The following TAFA4 variants were observed in gnomAD, a reference collection of about 807,000 sequenced individuals.
TAFA4 encodes the protein chemokine-like protein TAFA-4.
In TAFA4, 20 loss-of-function variants were observed where a neutral mutation model predicts 21.1. That is an observed-to-expected ratio of 0.95 (90% CI 0.67 to 1.38). The LOEUF is 1.38. Among genes scored for constraint, TAFA4 ranks in the 40% most tolerant of loss-of-function variants. TAFA4 has a pLI of 0.00. For synonymous variants in TAFA4, 71 were observed against 67.4 expected (o/e 1.05, Z -0.26); for missense variants, 211 against 180.9 (o/e 1.17, Z -0.95).
At chr3:68,786,679 T>C (rs1703268617) in intron 3 of TAFA4, among the ~76,000 whole-genome samples, 1 of 152,208 alleles carries the variant, frequency 6.6e-6, no homozygotes, top group South Asian at 2.1e-4. Context: ...CAGAAGGTAA[T>C]TGTGAATACC....
At chr3:68,798,290 A>G (rs933934860) in intron 3 of TAFA4, among the ~76,000 whole-genome samples, 1 of 152,224 alleles carries the variant, frequency 6.6e-6, no homozygotes, top group Non-Finnish European at 1.5e-5. Context: ...CCAATTTATC[A>G]TGTTAATTGG....
At chr3:68,913,299 G>T (rs1251849479) in intron 1 of TAFA4, among the ~76,000 whole-genome samples, 2 of 151,800 alleles carry the variant, frequency 1.3e-5, no homozygotes, top group Non-Finnish European at 2.9e-5. Flanking sequence ...TTTGCCCAGG[G>T]TTGCACAGAT....
chr3:68,834,535 C>G (rs930420746), intron 3 of TAFA4, among the ~76,000 whole-genome samples: 1 of 152,086 alleles, frequency 6.6e-6, no homozygotes, highest in Non-Finnish European at 1.5e-5. Context: ...TTGATCTTTA[C>G]CATCTTATAT....
chr3:68,848,282 A>G (rs527241721), intron 3 of TAFA4, among the ~76,000 whole-genome samples: 4 of 152,308 alleles, frequency 2.6e-5, no homozygotes, highest in Non-Finnish European at 5.9e-5. Flanking sequence ...GCATTTCCTG[A>G]TGTCCTACCT....
intron 3 of TAFA4, among the ~76,000 whole-genome samples, chr3:68,871,810 T>C (rs1323525194): frequency 6.6e-6 from 1 of 152,092 alleles, no homozygotes; most frequent in African/African-American, 2.4e-5. Flanking sequence ...ATGCTCAGCA[T>C]CACTAATCAA....
intron 3 of TAFA4, among the ~76,000 whole-genome samples, chr3:68,854,577 C>A (rs1490938587): frequency 6.6e-6 from 1 of 152,008 alleles, no homozygotes. Flanking sequence ...TACAGTTCCA[C>A]AGAATAAAGA....
intron 1 of TAFA4, among the ~76,000 whole-genome samples, chr3:68,912,523 C>G (rs2089969278): frequency 6.6e-6 from 1 of 152,190 alleles, no homozygotes; most frequent in Admixed American, 6.5e-5. Context: ...GCTCCCTCCC[C>G]GATCCTGCCG....
intron 3 of TAFA4, among the ~76,000 whole-genome samples, chr3:68,783,850 C>T (rs1703201182): frequency 6.6e-6 from 1 of 152,016 alleles, no homozygotes; most frequent in South Asian, 2.1e-4. Flanking sequence ...ATTGTTGAGA[C>T]TTCAGTTTTC....
At chr3:68,835,618 A>G (rs1172606416) in intron 3 of TAFA4, among the ~76,000 whole-genome samples, 1 of 152,252 alleles carries the variant, frequency 6.6e-6, no homozygotes, top group African/African-American at 2.4e-5. Context: ...TGTTTTTGTG[A>G]AAATTTTCAC....
intron 3 of TAFA4, among the ~76,000 whole-genome samples, chr3:68,809,429 A>C (rs1240777918): frequency 2.6e-5 from 4 of 152,194 alleles, no homozygotes. Context: ...TTGGTTGCCA[A>C]TATGATTTGT....
intron 1 of TAFA4, among the ~76,000 whole-genome samples, chr3:68,887,171 A>T (rs2089681374): frequency 6.6e-6 from 1 of 152,238 alleles, no homozygotes; most frequent in Non-Finnish European, 1.5e-5. Flanking sequence ...CCATTCCAAA[A>T]GGGAGAAATA....
intron 1 of TAFA4, among the ~76,000 whole-genome samples, chr3:68,908,658 C>T (rs2089927188): frequency 6.6e-6 from 1 of 152,166 alleles, no homozygotes; most frequent in Admixed American, 6.5e-5. Flanking sequence ...ACACTGCTCT[C>T]CGCATGGAAA....
chr3:68,857,677 C>G (rs1335895843), intron 3 of TAFA4, among the ~76,000 whole-genome samples: 1 of 152,036 alleles, frequency 6.6e-6, no homozygotes, highest in Non-Finnish European at 1.5e-5. Context: ...ATGAAGACCA[C>G]TCTGACATAG....
Position 68,749,353 on chromosome 3 carries a change from ATCT to A in TAFA4, c.286+3507_286+3509del, listed in dbSNP as rs529986532. ...GCATTAATTAGTGCCCCATGCCAAC[ATCT>A]TCTTGCCTTTGTTTTAATTTAAATG... On this transcript the variant is annotated intron_variant, in intron 4 of 5. Transcript: ENST00000295569. Among the ~76,000 whole-genome samples the A allele has an allele frequency of 2.6e-5, 4 of 151,536 alleles. No individual in the cohort carries two copies. The South Asian group carries it at 8.3e-4, about 31-fold the overall frequency.
At chr3:68,876,580 G>A (rs1456376034) in intron 3 of TAFA4, among the ~76,000 whole-genome samples, 1 of 152,026 alleles carries the variant, frequency 6.6e-6, no homozygotes, top group African/African-American at 2.4e-5. Flanking sequence ...GTATTTGCAG[G>A]GTTCCTATAA....
chr3:68,793,485 C>A (rs146287513), intron 3 of TAFA4, among the ~76,000 whole-genome samples: 1 of 152,154 alleles, frequency 6.6e-6, no homozygotes, highest in Non-Finnish European at 1.5e-5. Context: ...AATCCAATTG[C>A]CGCTTATGCA....
At chr3:68,900,661 TC>T (rs1364918923) in intron 1 of TAFA4, among the ~76,000 whole-genome samples, 1 of 152,178 alleles carries the variant, frequency 6.6e-6, no homozygotes, top group Admixed American at 6.5e-5. Flanking sequence ...AGGGCAAAGA[TC>T]AGGCCTCTTC....
At chr3:68,812,884 A>G (rs1703873637) in intron 3 of TAFA4, among the ~76,000 whole-genome samples, 1 of 150,228 alleles carries the variant, frequency 6.7e-6, no homozygotes, top group Non-Finnish European at 1.5e-5. Context: ...TCTTTTCAGC[A>G]CCACACCACA....
chr3:68,745,034 A>G (rs1702430910), intron 4 of TAFA4, among the ~76,000 whole-genome samples: 1 of 152,210 alleles, frequency 6.6e-6, no homozygotes, highest in South Asian at 2.1e-4. Flanking sequence ...GAAAGGCTTT[A>G]TGGCAAGTGC....
Sources: gnomAD v4.1 joint callset for allele counts (sites outside exome capture counted in the v4.1 genomes callset) on GRCh38, gnomAD v4.1.1 for gene constraint, MANE v1.5 for transcripts, NCBI Gene and HGNC (gene_info 2026-07-23, HGNC 2026-07-21) for gene names.